Variants in NAPB observed in about 807,000 individuals in gnomAD.
NAPB encodes the protein beta-soluble NSF attachment protein.
In NAPB, 26 loss-of-function variants were observed where a neutral mutation model predicts 44.7. The ratio of observed to expected loss-of-function variants is 0.58; its 90% CI spans 0.43 to 0.81. The LOEUF is 0.81. NAPB is among the 30% of genes least tolerant of loss of function. The pLI is 0.00. For synonymous variants in NAPB, 120 were observed against 116.8 expected (o/e 1.03, Z -0.18); for missense variants, 315 against 356.4 (o/e 0.88, Z 0.94).
chr20:23,380,117 G>T (rs2123128161), intron 8 of NAPB, among the ~76,000 whole-genome samples, 182 bp from the exon 9 acceptor site: 1 of 152,292 alleles, frequency 6.6e-6, no homozygotes, highest in South Asian at 2.1e-4. Context: ...TTTCAATAAA[G>T]AATAATTTCT....
chr20:23,408,063 C>T (rs1045004796), intron 1 of NAPB, among the ~76,000 whole-genome samples: 3 of 152,140 alleles, frequency 2.0e-5, no homozygotes, highest in Admixed American at 2.0e-4. Flanking sequence ...CCTCTAAAAT[C>T]ACAAGATATT....
chr20:23,392,085 T>C (rs752537362), intron 5 of NAPB, among the ~76,000 whole-genome samples: 1 of 152,234 alleles, frequency 6.6e-6, no homozygotes, highest in Non-Finnish European at 1.5e-5. Flanking sequence ...TTAGCATCTG[T>C]TACTGAGCAC....
intron 1 of NAPB, among the ~76,000 whole-genome samples, chr20:23,412,619 A>G (rs1303816881): frequency 6.6e-6 from 1 of 152,246 alleles, no homozygotes; most frequent in African/African-American, 2.4e-5. Context: ...AAACAGATCA[A>G]GTGAACAGAA....
At chr20:23,385,619 C>T (rs917307632) in intron 7 of NAPB, among the ~76,000 whole-genome samples, 5 of 151,590 alleles carry the variant, frequency 3.3e-5, no homozygotes, top group Admixed American at 6.6e-5. Flanking sequence ...GGCTGAGGCA[C>T]GAAAATAGTT....
At chr20:23,394,854 G>T in intron 5 of NAPB, 68 bp downstream of exon 5, 1 of 1,463,748 alleles carries the variant, frequency 6.8e-7, no homozygotes, top group Non-Finnish European at 9.6e-7. Context: ...TCAGACTGAG[G>T]AGAGGAGAGT....
At chr20:23,394,859 G>T (rs1984233683) in intron 5 of NAPB, 63 bp downstream of exon 5, 1 of 1,495,776 alleles carries the variant, frequency 6.7e-7, no homozygotes, top group Non-Finnish European at 9.3e-7. Context: ...CTGAGGAGAG[G>T]AGAGTTCTTT....
chr20:23,386,528 A>G (rs1291423279), intron 7 of NAPB, among the ~76,000 whole-genome samples: 1 of 152,218 alleles, frequency 6.6e-6, no homozygotes, highest in Non-Finnish European at 1.5e-5. Flanking sequence ...ACATAGACAT[A>G]AAATCCTCAA....
At chr20:23,411,597 A>G (rs187796518) in intron 1 of NAPB, among the ~76,000 whole-genome samples, 1 of 151,994 alleles carries the variant, frequency 6.6e-6, no homozygotes. Flanking sequence ...GTAGAAAAAT[A>G]ATAGGGAAAC....
chr20:23,406,913 C>T (rs2295239), intron 1 of NAPB, among the ~76,000 whole-genome samples: 86,265 of 152,106 alleles, frequency 0.57, 26,288 homozygotes, highest in East Asian at 0.88. Flanking sequence ...TACATTATTC[C>T]AGGTTTTATG....
chr20:23,406,491 C>A (rs1397144283), intron 1 of NAPB, among the ~76,000 whole-genome samples: 1 of 151,898 alleles, frequency 6.6e-6, no homozygotes, highest in African/African-American at 2.4e-5. Context: ...CAAAAAAAAT[C>A]AAAAAAACAA....
intron 2 of NAPB, among the ~76,000 whole-genome samples, chr20:23,399,915 T>C (rs1178918617): frequency 6.6e-6 from 1 of 152,346 alleles, no homozygotes; most frequent in Non-Finnish European, 1.5e-5. Context: ...CCTTAGATCA[T>C]ATCTGTGGTT....
intron 7 of NAPB, among the ~76,000 whole-genome samples, chr20:23,381,660 A>C (rs1391313984): frequency 6.6e-6 from 1 of 152,148 alleles, no homozygotes; most frequent in Non-Finnish European, 1.5e-5. Flanking sequence ...GGGTTCCCTC[A>C]GTTTTCTTTT....
chr20:23,389,836 T>C (rs1459250067), intron 7 of NAPB, 110 bp downstream of exon 7: 2 of 866,082 alleles, frequency 2.3e-6, no homozygotes, highest in Non-Finnish European at 3.7e-6. Flanking sequence ...CGCTGAACTG[T>C]ACTCATTACG....
At chr20:23,382,343 C>T (rs1235883115) in intron 7 of NAPB, among the ~76,000 whole-genome samples, 1 of 152,124 alleles carries the variant, frequency 6.6e-6, no homozygotes, top group African/African-American at 2.4e-5. Context: ...GAAAAGAGAA[C>T]GTTTAAACAA....
chr20:23,394,072 C>A (rs6048779), intron 5 of NAPB, among the ~76,000 whole-genome samples: 14 of 152,092 alleles, frequency 9.2e-5, no homozygotes, highest in Non-Finnish European at 1.6e-4. Context: ...ATTCAGTGGA[C>A]CCATGAAGGC....
chr20:23,390,332 A>G (rs1207157437), intron 5 of NAPB, 68 bp from the exon 6 acceptor site: 1 of 1,340,136 alleles, frequency 7.5e-7, no homozygotes, highest in Non-Finnish European at 1.1e-6. Context: ...CTACATTTGC[A>G]TAGGTATTTT....
intron 9 of NAPB, 177 bp from the exon 10 acceptor site, chr20:23,379,672 C>G (rs1319972074): frequency 2.1e-5 from 14 of 660,606 alleles, no homozygotes; most frequent in Non-Finnish European, 3.7e-5. Flanking sequence ...TTCTCAGGTG[C>G]CTATTTCAGA....
intron 5 of NAPB, among the ~76,000 whole-genome samples, chr20:23,394,334 A>G (rs1482058649): frequency 6.6e-6 from 1 of 152,208 alleles, no homozygotes; most frequent in Admixed American, 6.5e-5. Flanking sequence ...ACCGCTCACA[A>G]AAATTGCTCA....
intron 7 of NAPB, among the ~76,000 whole-genome samples, chr20:23,385,663 A>C (rs1224064486): frequency 6.6e-6 from 1 of 152,004 alleles, no homozygotes; most frequent in African/African-American, 2.4e-5. Context: ...CAGTGAGCTG[A>C]GATCAAGTCA....
Sources: gnomAD v4.1 joint callset for allele counts (sites outside exome capture counted in the v4.1 genomes callset) on GRCh38, gnomAD v4.1.1 for gene constraint, MANE v1.5 for transcripts, NCBI Gene and HGNC (gene_info 2026-07-23, HGNC 2026-07-21) for gene names.